Variants in ZNF518A observed in about 807,000 individuals in gnomAD.
The protein encoded by ZNF518A is zinc finger protein 518.
A neutral mutation model predicts 102.7 loss-of-function variants in ZNF518A; 47 were observed. The ratio of observed to expected loss-of-function variants is 0.46; its 90% CI spans 0.36 to 0.58. ZNF518A has a LOEUF of 0.58. Ranked by LOEUF, ZNF518A falls within the 20% of genes least tolerant of loss-of-function variation. The pLI, the probability that ZNF518A is intolerant of heterozygous loss-of-function variation, is 0.00. For synonymous variants in ZNF518A, 652 were observed against 594.6 expected (o/e 1.10, Z -1.40); for missense variants, 1,793 against 1,699.8 (o/e 1.05, Z -0.96).
chr10:96,204,100 A>T (rs2083732128), exon 3 of ZNF518A: 2 of 1,613,600 alleles, frequency 1.2e-6, no homozygotes, highest in Admixed American at 1.7e-5. Context: ...TGCAAGAAAG[A>T]ATTTCAGATA....
In ZNF518A at chr10:96,156,606, A is replaced by G. The variant is rs2082705758; in HGVS notation, c.284A>G (p.Glu95Gly). The G allele has an allele frequency of 6.2e-7, 1 of 1,613,652 alleles. No individual in the cohort carries two copies. Among genetic ancestry groups the G allele is most frequent in the African/African-American group, 1.3e-5 (1 of 74,896 alleles). The change falls in exon 6 of 6, where the codon GAG becomes GGG. Residue 95 changes from glutamate (E) to glycine (G), a missense_variant. Physicochemically the swap from Glu to Gly is moderately conservative, Grantham distance 98. Transcript: ENST00000316045. The part of the protein sequence containing the change: ...ISIKTVSCVE[E>G]CTLLHKSERA... ...ATAAAGACTGTAAGCTGTGTAGAGGAGTGTACATTGCTTCATAAGTCTGAG... is the reference window on the plus strand; with the variant it reads ...ATAAAGACTGTAAGCTGTGTAGAGGGGTGTACATTGCTTCATAAGTCTGAG...
chr10:96,133,777 G>T (rs1554873246), intron 3 of ZNF518A, 129 bp downstream of exon 3: 1 of 152,046 alleles, frequency 6.6e-6, no homozygotes, highest in African/African-American at 2.4e-5. Flanking sequence ...GTTCTTCCCT[G>T]AACTTCACCA....
rs782058184 is a variant in ZNF518A, at chr10:96,159,269, A to C, written c.2947A>C (p.Asn983His). The change falls in exon 6 of 6, where the codon AAT becomes CAT. Residue 983 changes from asparagine to histidine, a missense_variant. Physicochemically the swap from Asn to His is moderately conservative, Grantham distance 68 (BLOSUM62 1). Coordinates refer to ENST00000316045, the MANE Select transcript of ZNF518A (RefSeq NM_001330736.2). ...NKKPGMVLTL[N>H]NGKLEGVSAV... ...GAAACCTGGGATGGTTTTAACACTT[A>C]ATAATGGGAAACTTGAAGGTGTTTC... 3.3e-5 allele frequency: 54 copies of C among 1,613,392 alleles called. No homozygotes were observed. Among genetic ancestry groups the C allele is most frequent in the Non-Finnish European group, 4.6e-5 (54 of 1,179,698 alleles).
At position 96,156,696 on chromosome 10, in the gene ZNF518A, G is replaced by A. The variant is rs377406617; in HGVS notation, c.374G>A (p.Arg125Gln). 176 of 1,613,434 alleles carry A rather than the reference G, an allele frequency of 1.1e-4. No homozygotes were observed. The highest frequency in any genetic ancestry group is 1.4e-4 in the Non-Finnish European group (167 of 1,179,704). The change falls in exon 6 of 6, where the codon CGA becomes CAA. Residue 125 changes from arginine (R) to glutamine (Q), a missense_variant. Physicochemically the swap from Arg to Gln is conservative, Grantham distance 43 (BLOSUM62 1). Around this residue, in one of 3 missense-constraint regions of ZNF518A, gnomAD observed 1,741 missense variants for 1,622.6 expected, o/e 1.07. Transcript: ENST00000316045. The part of the protein sequence containing the change: ...KILNFSCLKC[R>Q]DNTRYSPNDL... ...CTCAATTTCAGCTGTTTAAAATGCC[G>A]AGACAACACTCGATATAGCCCAAAT...
At chr10:96,204,475 C>T (rs1219020372), downstream of ZNF518A, 2 of 1,551,186 alleles carry the variant, frequency 1.3e-6, no homozygotes, top group Non-Finnish European at 1.8e-6. Context: ...AAACAATGCA[C>T]ATGTTAATTC....
In ZNF518A at chr10:96,160,930, A is replaced by G. The variant is rs1367310479; in HGVS notation, c.*156A>G. The stretch of plus-strand genomic sequence containing the variant: ...ATTTCTGTGGAAGAGTAAAAGTTGT[A>G]TGTATGATATTTGAAAATGCTATCC... On this transcript the variant is annotated 3_prime_UTR_variant, in exon 6 of 6. Transcript: ENST00000316045. 4 of 777,616 alleles carry G rather than the reference A, an allele frequency of 5.1e-6. No homozygotes were observed. Among genetic ancestry groups the G allele is most frequent in the Admixed American group, 3.8e-5 (1 of 26,050 alleles). The allele number at this position is 777,616 out of a possible 1,614,324, so 48.2% of individuals were successfully genotyped here. A position where few individuals can be genotyped will look rare whatever the true frequency, so the allele number is the denominator to read the frequency against.
intron 4 of ZNF518A, 119 bp from the exon 5 acceptor site, chr10:96,155,805 T>G (rs1375716420): frequency 3.3e-5 from 5 of 152,374 alleles, no homozygotes; most frequent in African/African-American, 1.2e-4. Context: ...ACCACATGTG[T>G]GTAATTGGAA....
At chr10:96,188,774 A>C (rs2083287911) in intron 1 of ZNF518A, among the ~76,000 whole-genome samples, 1 of 152,184 alleles carries the variant, frequency 6.6e-6, no homozygotes, top group Non-Finnish European at 1.5e-5. Flanking sequence ...AATGCATATA[A>C]ATTTTATTAG....
intron 3 of ZNF518A, among the ~76,000 whole-genome samples, chr10:96,148,966 C>T (rs938682986): frequency 1.8e-4 from 28 of 152,266 alleles, no homozygotes; most frequent in African/African-American, 4.1e-4. Context: ...CTGCCCGCCT[C>T]GGCCTCCCAG....
Position 96,160,217 on chromosome 10 carries a change from T to G in ZNF518A, c.3895T>G (p.Cys1299Gly). 1.2e-5 allele frequency: 19 copies of G among 1,612,126 alleles called. No homozygotes were observed. The highest frequency in any genetic ancestry group is 1.6e-5 in the Non-Finnish European group (19 of 1,179,206). ...AAGAAAAGCAACATTGCATAGAAAG[T>G]GTAAAGAAAAGGCAAAACCTGAAGA... The part of the protein sequence containing the change: ...PRRKATLHRK[C>G]KEKAKPEDVR... The change falls in exon 6 of 6, where the codon TGT becomes GGT. Residue 1299 changes from cysteine to glycine, a missense_variant. Physicochemically the swap from Cys to Gly is radical, Grantham distance 159. Around this residue, in one of 3 missense-constraint regions of ZNF518A, gnomAD observed 1,741 missense variants for 1,622.6 expected, o/e 1.07. Transcript: ENST00000316045.
Position 96,195,010 on chromosome 10 carries a change from C to T in ZNF518A, n.36-8564C>T, listed in dbSNP as rs587721248. On this transcript the variant is annotated intron_variant and non_coding_transcript_variant, in intron 1 of 2. Transcript: ENST00000442635. ...GGTCTCGATCTCCTGACCTCGTGAT[C>T]CGCCCGTCTCGGCCTCCCAAAGTGC... is the stretch of plus-strand genomic sequence containing the variant. Among the ~76,000 whole-genome samples the T allele has an allele frequency of 2.8e-4, 42 of 151,994 alleles. No homozygotes were observed. The South Asian group carries it at 8.1e-3, about 29-fold the overall frequency.
chr10:96,150,563 G>A (rs2082388306), intron 3 of ZNF518A, among the ~76,000 whole-genome samples: 2 of 149,780 alleles, frequency 1.3e-5, no homozygotes, highest in South Asian at 2.1e-4. Flanking sequence ...AAAAAACTTA[G>A]GTACAATTTT....
chr10:96,137,697 T>C (rs587634125), intron 3 of ZNF518A, among the ~76,000 whole-genome samples: 1 of 152,236 alleles, frequency 6.6e-6, no homozygotes. Flanking sequence ...TGTTATAGAA[T>C]CTTGAGGCTC....
chr10:96,194,864 G>A lies in ZNF518A; in HGVS notation n.36-8710G>A, dbSNP rs587634186. Among the ~76,000 whole-genome samples, 3 of 140,848 alleles carry A rather than the reference G, an allele frequency of 2.1e-5. No homozygotes were observed. The Admixed American group carries it at 2.4e-4, about 11-fold the overall frequency. The allele number at this position is 140,848 out of a possible 152,430, so 92.4% of individuals were successfully genotyped here. A position where few individuals can be genotyped will look rare whatever the true frequency, so the allele number is the denominator to read the frequency against. ...CGACTCACTGCAAGCTCCGCCTCCC[G>A]GGTTCACGCCATTCTCCTGCCTCAG... is the stretch of plus-strand genomic sequence containing the variant. On this transcript the variant is annotated intron_variant and non_coding_transcript_variant, in intron 1 of 2. Transcript: ENST00000442635.
At chr10:96,183,989 G>A (rs1277025139) in intron 1 of ZNF518A, among the ~76,000 whole-genome samples, 4 of 152,150 alleles carry the variant, frequency 2.6e-5, no homozygotes, top group African/African-American at 9.7e-5. Flanking sequence ...TTATGAATCT[G>A]GGTGCTCCCG....
Position 96,160,279 on chromosome 10 carries a change from T to G in ZNF518A, c.3957T>G (p.Leu1319=). The G allele has an allele frequency of 6.2e-7, 1 of 1,613,620 alleles. No homozygotes were observed. Among genetic ancestry groups the G allele is most frequent in the Non-Finnish European group, 8.5e-7 (1 of 1,179,690 alleles). The change falls in exon 6 of 6, where the codon CTT becomes CTG. Residue 1319 remains leucine, a synonymous_variant. Transcript: ENST00000316045. ...RETFGFSRPR[L]SKDSIRTLRL... is the part of the protein sequence containing the mutation. ...CATTTGGATTTAGCAGACCTAGGCTTTCAAAAGATTCCATCAGAACTTTGC... is the reference window on the plus strand; with the variant it reads ...CATTTGGATTTAGCAGACCTAGGCTGTCAAAAGATTCCATCAGAACTTTGC...
At chr10:96,132,026 C>G (rs1418507660) in intron 1 of ZNF518A, among the ~76,000 whole-genome samples, 1 of 127,984 alleles carries the variant, frequency 7.8e-6, no homozygotes, top group African/African-American at 2.9e-5. Context: ...TTTTTTTTTT[C>G]TTTAAATGAT....
At chr10:96,198,472 T>C (rs2133938437) in intron 1 of ZNF518A, among the ~76,000 whole-genome samples, 1 of 152,308 alleles carries the variant, frequency 6.6e-6, no homozygotes, top group Middle Eastern at 3.4e-3. Context: ...TATATTCTGG[T>C]AAAATGATTA....
chr10:96,190,036 G>C, intron 1 of ZNF518A: 1 of 808,856 alleles, frequency 1.2e-6, no homozygotes, highest in Non-Finnish European at 2.2e-6. Context: ...CATTGCCTCT[G>C]CTTCAACAAT....
Sources: allele counts gnomAD v4.1 joint callset (sites outside exome capture counted in the v4.1 genomes callset), GRCh38; gene constraint gnomAD v4.1.1; regional missense constraint gnomAD v4.1.1; transcripts MANE v1.5; gene names NCBI Gene and HGNC (gene_info 2026-07-23, HGNC 2026-07-21).